Variants in PLEKHB2 observed in about 807,000 individuals in gnomAD.
PLEKHB2 encodes the protein pleckstrin homology domain containing B2, also known as pleckstrin homology domain-containing family B member 2.
A neutral mutation model predicts 36.5 loss-of-function variants in PLEKHB2; 31 were observed. That is an observed-to-expected ratio of 0.85 (90% CI 0.64 to 1.15). PLEKHB2 has a LOEUF of 1.15. Ranked by LOEUF, PLEKHB2 falls within the 50% of genes most tolerant of loss-of-function variation. The pLI, the probability that PLEKHB2 is intolerant of heterozygous loss-of-function variation, is 0.00. For synonymous variants in PLEKHB2, 119 were observed against 112.0 expected, an observed-to-expected ratio of 1.06 and a Z score of -0.39; for missense variants, 262 against 295.3, an observed-to-expected ratio of 0.89 and a Z score of 0.83.
chr2:131,121,381 T>G (rs1462761940), intron 2 of PLEKHB2, among the ~76,000 whole-genome samples: 1 of 152,178 alleles, frequency 6.6e-6, no homozygotes. Context: ...CCCGAGTAGC[T>G]GGGATCACAG....
In PLEKHB2 at chr2:131,146,912, A is replaced by G. The variant is rs750774500; in HGVS notation, c.*139A>G. 4.2e-6 allele frequency: 3 copies of G among 706,082 alleles called. No homozygotes were observed. Among genetic ancestry groups the G allele is most frequent in the Admixed American group, 6.0e-5 (2 of 33,430 alleles). The allele number at this position is 706,082 out of a possible 1,614,324, so 43.7% of individuals were successfully genotyped here. A position where few individuals can be genotyped will look rare whatever the true frequency, so the allele number is the denominator to read the frequency against. ...TTGAAAGTAGTGATGTCATAATTGT[A>G]CTAATCCACATAAGTACCACAGAGA... is the stretch of plus-strand genomic sequence containing the variant. On this transcript the variant is annotated 3_prime_UTR_variant, in exon 8 of 8. Coordinates refer to ENST00000693505, the MANE Select transcript of PLEKHB2 (RefSeq NM_001100623.2).
chr2:131,121,936 G>T (rs1205827762), intron 2 of PLEKHB2, among the ~76,000 whole-genome samples: 1 of 151,938 alleles, frequency 6.6e-6, no homozygotes, highest in Non-Finnish European at 1.5e-5. Flanking sequence ...TTTTGAGATG[G>T]AATTTTGCTC....
chr2:131,144,211 GCT>G (rs1699065180), intron 7 of PLEKHB2, among the ~76,000 whole-genome samples: 1 of 152,208 alleles, frequency 6.6e-6, no homozygotes, highest in Admixed American at 6.5e-5. Context: ...GCTGGTTAAG[GCT>G]CTCTCTTCAG....
chr2:131,124,077 T>C (rs1696846697), intron 2 of PLEKHB2, among the ~76,000 whole-genome samples: 1 of 152,008 alleles, frequency 6.6e-6, no homozygotes, highest in Non-Finnish European at 1.5e-5. Context: ...ACTCCTGGGC[T>C]CAGGTGATCC....
Position 131,124,005 on chromosome 2 carries a change from T to C in PLEKHB2, c.38-1748T>C, listed in dbSNP as rs568913636. Among the ~76,000 whole-genome samples the C allele has an allele frequency of 2.6e-5, 4 of 152,136 alleles. No individual in the cohort carries two copies. In the South Asian group the frequency reaches 8.3e-4, roughly 32 times the overall value. On this transcript the variant is annotated intron_variant, in intron 2 of 7. Transcript: ENST00000693505. ...CTGGGACTGCTGGCTTGTGTTAGCA[T>C]GTCTGGCTATTTTTCTCTTTGTAGA...
rs72984304 is a variant in PLEKHB2, at chr2:131,143,313, A to C, written c.532+3038A>C. 7.5e-4 allele frequency among the ~76,000 whole-genome samples: 114 copies of C among 152,320 alleles called. 1 individual carries two copies. Among genetic ancestry groups the C allele is most frequent in the African/African-American group, 2.2e-3 (92 of 41,582 alleles). On this transcript the variant is annotated intron_variant, in intron 7 of 7. Transcript: ENST00000693505. ...TAGACATTTTTGACGGTTTTTTGGG[A>C]TATGATTTAAAAATGTAAACGTTTT...
chr2:131,121,017 A>G, intron 2 of PLEKHB2, 39 bp downstream of exon 2: 1 of 1,598,444 alleles, frequency 6.3e-7, no homozygotes. Flanking sequence ...GGCATTGCCG[A>G]AGGGCAGTCT....
chr2:131,142,421 A>G (rs1161528424), intron 7 of PLEKHB2, among the ~76,000 whole-genome samples: 3 of 151,728 alleles, frequency 2.0e-5, no homozygotes, highest in Non-Finnish European at 2.9e-5. Context: ...GTAATTGCCT[A>G]TTATCATATT....
chr2:131,134,362 C>T (rs575765532), intron 6 of PLEKHB2, among the ~76,000 whole-genome samples: 8 of 152,270 alleles, frequency 5.3e-5, no homozygotes, highest in Admixed American at 2.0e-4. Flanking sequence ...TTCCTTTTCT[C>T]GGTTGTGCTT....
At position 131,149,697 on chromosome 2, in the gene PLEKHB2, A is replaced by G. The variant is rs561158139; in HGVS notation, c.*2924A>G. ...GATACAAGGCATGGAATGCAGTTCC[A>G]CTTTCTCCCCAGAGTTGATCTTTTT... On this transcript the variant is annotated 3_prime_UTR_variant, in exon 8 of 8. Transcript: ENST00000693505. The G allele has an allele frequency of 6.6e-6, 1 of 152,352 alleles. No homozygotes were observed. The highest frequency in any genetic ancestry group is 2.1e-4 in the South Asian group (1 of 4,826). The allele number at this position is 152,352 out of a possible 1,614,324, so 9.4% of individuals were successfully genotyped here.
At chr2:131,122,210 C>T (rs1464461421) in intron 2 of PLEKHB2, among the ~76,000 whole-genome samples, 4 of 152,202 alleles carry the variant, frequency 2.6e-5, no homozygotes, top group South Asian at 2.1e-4. Flanking sequence ...CCACCGCGCC[C>T]GGCCTCATAC....
intron 6 of PLEKHB2, among the ~76,000 whole-genome samples, chr2:131,137,135 G>A (rs967882656): frequency 6.7e-6 from 1 of 149,034 alleles, no homozygotes; most frequent in African/African-American, 2.6e-5. Context: ...TTTTAGTAGA[G>A]ACGGGGTTTC....
chr2:131,137,486 C>T lies in PLEKHB2; in HGVS notation c.424-2681C>T, dbSNP rs977935312. Reference sequence around the variant, plus strand: ...CTAGTTTGTATGGAGTAGGTTTTGACAGTTTGTAGTTTTTGTGGAATTGTT... The same window carrying T: ...CTAGTTTGTATGGAGTAGGTTTTGATAGTTTGTAGTTTTTGTGGAATTGTT... On this transcript the variant is annotated intron_variant, in intron 6 of 7. Transcript: ENST00000693505. 1.2e-4 allele frequency among the ~76,000 whole-genome samples: 19 copies of T among 152,098 alleles called. 1 individual carries two copies.
chr2:131,140,020 C>A, intron 6 of PLEKHB2, 147 bp from the exon 7 acceptor site: 1 of 556,058 alleles, frequency 1.8e-6, no homozygotes, highest in East Asian at 3.0e-5. Context: ...AATTTTAAAA[C>A]GGGGGGCCTA....
chr2:131,117,888 CAAGT>C (rs1185317787), intron 1 of PLEKHB2, among the ~76,000 whole-genome samples: 3 of 152,094 alleles, frequency 2.0e-5, no homozygotes, highest in African/African-American at 7.2e-5. Context: ...AGGCTGGACA[CAAGT>C]AAGGTGTTCT....
In PLEKHB2 at chr2:131,144,272, C is replaced by T. The variant is rs892936614; in HGVS notation, c.533-2365C>T. On this transcript the variant is annotated intron_variant, in intron 7 of 7. Coordinates refer to ENST00000693505, the MANE Select transcript of PLEKHB2 (RefSeq NM_001100623.2). ...CAGCCAATTGAGAAAGTACAGAGTACTGTAGACGTATTGTAAACATTGTGC... is the reference window on the plus strand; with the variant it reads ...CAGCCAATTGAGAAAGTACAGAGTATTGTAGACGTATTGTAAACATTGTGC... 1.4e-5 allele frequency: 5 copies of T among 368,980 alleles called. 1 individual carries two copies. The highest frequency in any genetic ancestry group is 3.0e-4 in the South Asian group (2 of 6,758). The allele number at this position is 368,980 out of a possible 1,614,324, so 22.9% of individuals were successfully genotyped here.
chr2:131,140,291 C>A lies in PLEKHB2; in HGVS notation c.532+16C>A. ...CCATATGCAGGTAACTCACGCCGGC[C>A]TTTCATTCCTCATTTCTCTCCATTT... On this transcript the variant is annotated intron_variant, in intron 7 of 7. Coordinates refer to ENST00000693505, the MANE Select transcript of PLEKHB2 (RefSeq NM_001100623.2). 1 of 1,339,940 alleles carries A rather than the reference C, an allele frequency of 7.5e-7. No individual in the cohort carries two copies. The highest frequency in any genetic ancestry group is 1.1e-6 in the Non-Finnish European group (1 of 934,126). 83.0% of individuals were successfully genotyped at this position (1,339,940 alleles called of 1,614,324 possible).
At chr2:131,144,291 A>G in intron 7 of PLEKHB2, 1 of 391,890 alleles carries the variant, frequency 2.6e-6, no homozygotes, top group Non-Finnish European at 4.4e-6. Context: ...TATTGTAAAC[A>G]TTGTGCTGTG....
chr2:131,110,007 C>T (rs773113857), intron 1 of PLEKHB2, among the ~76,000 whole-genome samples: 5 of 149,430 alleles, frequency 3.3e-5, no homozygotes, highest in Non-Finnish European at 6.0e-5. Context: ...CCCAGCTATT[C>T]GGGAGGCTGA....
Sources: gnomAD v4.1 joint callset for allele counts (sites outside exome capture counted in the v4.1 genomes callset) on GRCh38, gnomAD v4.1.1 for gene constraint, MANE v1.5 for transcripts, NCBI Gene and HGNC (gene_info 2026-07-23, HGNC 2026-07-21) for gene names.